LTN1: variants seen among roughly 807,000 people sequenced by gnomAD.
The protein encoded by LTN1 is E3 ubiquitin-protein ligase listerin.
In LTN1, 88 loss-of-function variants were observed where a neutral mutation model predicts 201.2. That is an observed-to-expected ratio of 0.44 (90% CI 0.37 to 0.52). The LOEUF (loss-of-function observed/expected upper bound fraction) is 0.52. Among genes scored for constraint, LTN1 ranks in the 20% least tolerant of loss-of-function variants. The probability of loss-of-function intolerance (pLI) is 0.00; values close to 1 mark genes in which losing one functional copy is unlikely to be tolerated. For missense variants in LTN1, 1,752 were observed against 2,038.7 expected (o/e 0.86, Z 2.71); for synonymous variants, 645 against 713.5 (o/e 0.90, Z 1.53).
chr21:28,953,499 C>G (rs1435714371), intron 16 of LTN1, 123 bp from the exon 17 acceptor site: 3 of 614,584 alleles, frequency 4.9e-6, no homozygotes, highest in Non-Finnish European at 8.2e-6. Context: ...CTCCTATGAA[C>G]TGATTTTTCA....
chr21:28,966,968 T>A lies in LTN1; in HGVS notation c.1523A>T (p.Asp508Val), dbSNP rs113622445. The A allele has an allele frequency of 1.9e-5, 31 of 1,614,024 alleles. No individual in the cohort carries two copies. In the African/African-American group the frequency reaches 2.8e-4, roughly 15 times the overall value. Residue 508 changes from aspartate (D) to valine (V), a missense_variant, in exon 10 of 30, where the codon GAT (aspartate) becomes GTT (valine). Asp to Val is a radical substitution (Grantham distance 152, BLOSUM62 -3). This residue lies in a region of LTN1 where 1,211 missense variants were observed against 1,312.8 expected (regional missense o/e 0.92). Transcript: ENST00000361371. ...CVAKISEPEA[D>V]VESVLGVSNL... The stretch of plus-strand genomic sequence containing the variant: ...AGATACACCCAAAACGGACTCAACA[T>A]CAGCTTCTGGCTCACTGATTTTCGC...
At chr21:28,987,933 G>A (rs895052581) in intron 1 of LTN1, among the ~76,000 whole-genome samples, 5 of 151,716 alleles carry the variant, frequency 3.3e-5, no homozygotes, top group Admixed American at 6.6e-5. Context: ...CACGAGGTCA[G>A]GAGTTCGAGA....
chr21:28,943,076 TAA>T (rs1568835564), intron 24 of LTN1, among the ~76,000 whole-genome samples, 184 bp downstream of exon 24: 1 of 152,190 alleles, frequency 6.6e-6, no homozygotes, highest in Non-Finnish European at 1.5e-5. Flanking sequence ...TAAGAACAAT[TAA>T]GAGAGTGACA....
intron 1 of LTN1, among the ~76,000 whole-genome samples, chr21:28,990,838 C>T (rs1432918817): frequency 6.6e-6 from 1 of 152,148 alleles, no homozygotes; most frequent in African/African-American, 2.4e-5. Flanking sequence ...CCCGCTTAAA[C>T]AGTACTGAGA....
chr21:28,967,210 T>C (rs764112833), intron 9 of LTN1, 31 bp from the exon 10 acceptor site: 10 of 1,506,112 alleles, frequency 6.6e-6, no homozygotes, highest in Non-Finnish European at 9.0e-6. Context: ...TCATAAAATA[T>C]ATATTTGGTC....
intron 25 of LTN1, among the ~76,000 whole-genome samples, chr21:28,940,579 A>C (rs1471458234): frequency 1.3e-5 from 2 of 152,160 alleles, no homozygotes; most frequent in Non-Finnish European, 2.9e-5. Context: ...CGAAAAAAAA[A>C]CAAAAAACAC....
intron 11 of LTN1, among the ~76,000 whole-genome samples, chr21:28,964,938 T>C (rs2084509355): frequency 6.6e-6 from 1 of 152,174 alleles, no homozygotes; most frequent in Non-Finnish European, 1.5e-5. Context: ...ATAAGTCATA[T>C]TCCTCATTGA....
Position 28,953,200 on chromosome 21 carries a change from T to C in LTN1, c.3239+17A>G, listed in dbSNP as rs749466651. 1.6e-5 allele frequency: 24 copies of C among 1,527,246 alleles called. No individual in the cohort carries two copies. The Admixed American group carries it at 3.8e-4, about 24-fold the overall frequency. The allele number at this position is 1,527,246 out of a possible 1,614,324, so 94.6% of individuals were successfully genotyped here. A position where few individuals can be genotyped will look rare whatever the true frequency, so the allele number is the denominator to read the frequency against. ...GTAGCATAGTCATTTTAAAAACAAA[T>C]TGAAAGAGATTCTTACCTGTTAAAT... On this transcript the variant is annotated intron_variant, in intron 17 of 29. Coordinates refer to ENST00000361371, the MANE Select transcript of LTN1 (RefSeq NM_015565.3).
At chr21:28,949,107 T>G (rs2084363859) in intron 18 of LTN1, among the ~76,000 whole-genome samples, 1 of 152,230 alleles carries the variant, frequency 6.6e-6, no homozygotes, top group Non-Finnish European at 1.5e-5. Flanking sequence ...TCATTATTAG[T>G]AAGGCAAATC....
At chr21:28,989,799 C>T (rs2084730738) in intron 1 of LTN1, among the ~76,000 whole-genome samples, 1 of 152,030 alleles carries the variant, frequency 6.6e-6, no homozygotes, top group South Asian at 2.1e-4. Flanking sequence ...CAGATCACTT[C>T]AGGCCAAGAG....
At chr21:28,968,049 G>A (rs907023535) in intron 9 of LTN1, 2 of 152,028 alleles carry the variant, frequency 1.3e-5, no homozygotes, top group Non-Finnish European at 2.9e-5. Context: ...CAATTTTCAA[G>A]AGAAAATTTA....
chr21:28,949,867 T>C (rs2084369132), intron 18 of LTN1, among the ~76,000 whole-genome samples: 1 of 152,192 alleles, frequency 6.6e-6, no homozygotes. Context: ...TTCCCATCAT[T>C]ATTATTTACT....
At chr21:28,954,208 T>A (rs2084406428) in intron 16 of LTN1, among the ~76,000 whole-genome samples, 1 of 152,240 alleles carries the variant, frequency 6.6e-6, no homozygotes, top group Non-Finnish European at 1.5e-5. Context: ...CTGTGAGCAA[T>A]GTTAAACTAC....
intron 19 of LTN1, among the ~76,000 whole-genome samples, chr21:28,947,192 C>A (rs1203022423): frequency 6.6e-6 from 1 of 152,108 alleles, no homozygotes; most frequent in Non-Finnish European, 1.5e-5. Context: ...CATTGATTGG[C>A]TAGGGAGAAA....
In LTN1 at chr21:28,967,159, T is replaced by C; in HGVS notation, c.1332A>G (p.Ala444=). ...VNDQLIPFID[A]VLKDPGLQHG... is the part of the protein sequence containing the mutation. ...GTTGCAATCCTGGGTCTTTGAGAACTGCATCAATAAAAGGGATCAACTGAA... is the reference window on the plus strand; with the variant it reads ...GTTGCAATCCTGGGTCTTTGAGAACCGCATCAATAAAAGGGATCAACTGAA... Residue 444 remains alanine (A), a synonymous_variant, in exon 10 of 30, where the codon GCA becomes GCG. Coordinates refer to ENST00000361371, the MANE Select transcript of LTN1 (RefSeq NM_015565.3). 1.9e-6 allele frequency: 3 copies of C among 1,610,718 alleles called. No individual in the cohort carries two copies. Among genetic ancestry groups the C allele is most frequent in the Non-Finnish European group, 2.5e-6 (3 of 1,178,946 alleles).
chr21:28,972,931 G>T (rs2084586631), intron 6 of LTN1, among the ~76,000 whole-genome samples: 1 of 152,090 alleles, frequency 6.6e-6, no homozygotes, highest in African/African-American at 2.4e-5. Context: ...TTCAAAAGAA[G>T]GACAATAAGA....
At chr21:28,963,697 A>G (rs1170270463) in intron 11 of LTN1, among the ~76,000 whole-genome samples, 1 of 152,248 alleles carries the variant, frequency 6.6e-6, no homozygotes, top group African/African-American at 2.4e-5. Flanking sequence ...TCATTAAGCT[A>G]TAGCAGCCAT....
At chr21:28,948,292 C>T (rs147215015) in intron 18 of LTN1, among the ~76,000 whole-genome samples, 3,533 of 111,544 alleles carry the variant, frequency 0.032, 172 homozygotes, top group African/African-American at 0.11. Flanking sequence ...TTTTTTGAGA[C>T]GGAGTTTCAC....
At chr21:28,991,527 T>C (rs998454331) in intron 1 of LTN1, among the ~76,000 whole-genome samples, 1 of 152,132 alleles carries the variant, frequency 6.6e-6, no homozygotes, top group Non-Finnish European at 1.5e-5. Context: ...GAAAAATACA[T>C]AAATTAAGAG....
Sources: gnomAD v4.1 joint callset for allele counts (sites outside exome capture counted in the v4.1 genomes callset) on GRCh38, gnomAD v4.1.1 for gene constraint, gnomAD v4.1.1 regional missense constraint, MANE v1.5 for transcripts, NCBI Gene and HGNC (gene_info 2026-07-23, HGNC 2026-07-21) for gene names.